The following RIC3 variants were observed in gnomAD, a reference collection of about 807,000 sequenced individuals.
RIC3 encodes the protein protein RIC-3.
RIC3 carries 28 observed loss-of-function variants against 27.3 expected under a neutral mutation model. The observed-to-expected ratio is 1.02, with a 90% confidence interval of 0.76 to 1.41. The LOEUF (loss-of-function observed/expected upper bound fraction) is 1.41. Among genes scored for constraint, RIC3 ranks in the 40% most tolerant of loss-of-function variants. The pLI, the probability that RIC3 is intolerant of heterozygous loss-of-function variation, is 0.00. For missense variants in RIC3, 501 were observed against 444.7 expected (o/e 1.13, Z -1.14); for synonymous variants, 184 against 160.4 (o/e 1.15, Z -1.11).
chr11:8,165,779 TTTGTTTTG>T (rs1951634719), intron 1 of RIC3, among the ~76,000 whole-genome samples: 1 of 110,788 alleles, frequency 9.0e-6, no homozygotes, highest in African/African-American at 4.9e-5. Flanking sequence ...TTTTTTTTGT[TTTGTTTTG>T]TTTTTTTTTT....
chr11:8,111,880 C>T (rs940820865), intron 5 of RIC3, among the ~76,000 whole-genome samples: 3 of 152,202 alleles, frequency 2.0e-5, no homozygotes, highest in African/African-American at 4.8e-5. Flanking sequence ...AATCTGTGTC[C>T]GCCAAGCAAG....
chr11:8,095,408 C>G, the RIC3 span: 2 of 1,394,260 alleles, frequency 1.4e-6, no homozygotes, highest in Non-Finnish European at 1.9e-6. Flanking sequence ...GGTTTCCCCA[C>G]TCTTCCCTCA....
At chr11:8,133,928 G>C (rs1432783240) in intron 4 of RIC3, among the ~76,000 whole-genome samples, 1 of 151,824 alleles carries the variant, frequency 6.6e-6, no homozygotes, top group East Asian at 1.9e-4. Context: ...AGCTCCAGGA[G>C]TTGGGTCTCC....
chr11:8,141,808 C>G lies in RIC3; in HGVS notation c.125-1615G>C, dbSNP rs551444422. On this transcript the variant is annotated intron_variant, in intron 1 of 5. Transcript: ENST00000309737. ...GCTCTCCTCAGCAAATGTAAAAGAA[C>G]AGAGATTATAACAAACTCTCTCAGA... Among the ~76,000 whole-genome samples the G allele has an allele frequency of 4.9e-3, 743 of 152,224 alleles. 8 individuals are homozygous for G. Among genetic ancestry groups the G allele is most frequent in the African/African-American group, 0.017 (716 of 41,520 alleles).
At chr11:8,132,927 T>A (rs1947907057) in intron 4 of RIC3, among the ~76,000 whole-genome samples, 2 of 152,200 alleles carry the variant, frequency 1.3e-5, no homozygotes, top group Admixed American at 1.3e-4. Flanking sequence ...ACACAAACTG[T>A]AAGTATAAAA....
At chr11:8,100,744 C>T in the RIC3 span, 378 of 1,581,100 alleles carry the variant, frequency 2.4e-4, 1 homozygote, top group East Asian at 7.2e-3. Context: ...TCCAAGGACC[C>T]CCATTCCCGG....
At chr11:8,139,695 G>A (rs1181370679) in intron 2 of RIC3, 10 of 245,816 alleles carry the variant, frequency 4.1e-5, no homozygotes. Context: ...ATCACTCACT[G>A]GATTAAGAAC....
At chr11:8,142,643 T>A (rs1167167741) in intron 1 of RIC3, among the ~76,000 whole-genome samples, 4 of 143,886 alleles carry the variant, frequency 2.8e-5, no homozygotes, top group African/African-American at 8.2e-5. Context: ...CTCCAATCAA[T>A]AGAAAAAGAG....
At chr11:8,138,388 G>A (rs1367321658) in intron 2 of RIC3, 41 bp from the exon 3 acceptor site, 4 of 1,335,992 alleles carry the variant, frequency 3.0e-6, no homozygotes. Context: ...CAGCAGCTCA[G>A]AACCTCAGTC....
At position 8,138,348 on chromosome 11, in the gene RIC3, C is replaced by A. The variant is rs1475770473; in HGVS notation, c.352-1G>T. 6.2e-7 allele frequency: 1 copy of A among 1,605,848 alleles called. No homozygotes were observed. Among genetic ancestry groups the A allele is most frequent in the Non-Finnish European group, 8.5e-7 (1 of 1,172,978 alleles). On this transcript the variant is annotated splice_acceptor_variant, in intron 2 of 5. Coordinates refer to ENST00000309737, the MANE Select transcript of RIC3 (RefSeq NM_001206671.4). LOFTEE classifies it high-confidence loss of function. ...CTGCAGTTGTTTTCCCCTTTGAGAG[C>A]TGAGAATTGAAGGAGGTATAGCACA...
At chr11:8,106,050 G>C (rs776063595), downstream of RIC3, 4 of 151,738 alleles carry the variant, frequency 2.6e-5, no homozygotes, top group African/African-American at 4.8e-5. Flanking sequence ...TGGCGTTTTA[G>C]ACAAATTTGC....
intron 1 of RIC3, among the ~76,000 whole-genome samples, chr11:8,154,474 G>C (rs1332864553): frequency 6.6e-6 from 1 of 152,138 alleles, no homozygotes; most frequent in Non-Finnish European, 1.5e-5. Context: ...ATTTTAAAAA[G>C]TCCTTTATAT....
chr11:8,098,895 G>C, the RIC3 span: 1 of 1,559,912 alleles, frequency 6.4e-7, no homozygotes, highest in Non-Finnish European at 8.8e-7. Context: ...AGGTTCGGGG[G>C]TCTCTGATTT....
rs989933751 is a variant in RIC3, at chr11:8,152,005, T to G, written c.125-11812A>C. On this transcript the variant is annotated intron_variant, in intron 1 of 5. Transcript: ENST00000309737. ...TCCAATAAGCACAGGAAAGGATGCTTAACACCATTCGCCACCAAGGAAATG... is the reference window on the plus strand; with the variant it reads ...TCCAATAAGCACAGGAAAGGATGCTGAACACCATTCGCCACCAAGGAAATG... Among the ~76,000 whole-genome samples, 10 of 151,834 alleles carry G rather than the reference T, an allele frequency of 6.6e-5. No individual in the cohort carries two copies. The South Asian group carries it at 2.1e-3, about 32-fold the overall frequency.
chr11:8,101,699 C>G, downstream of RIC3: 1 of 1,559,708 alleles, frequency 6.4e-7, no homozygotes, highest in East Asian at 2.3e-5. Context: ...CCTGCCTATC[C>G]TCTGTATATA....
rs780260156 is a variant in RIC3 at position 8,140,198 on chromosome 11, G to GA, written c.125-6dup. ...GTGGAAATCGGCCCAATTTTCCTGA[G>GA]AAAATAATAATCACTTTTTATCTCT... On this transcript the variant is annotated splice_polypyrimidine_tract_variant and splice_region_variant and intron_variant, in intron 1 of 5. Transcript: ENST00000309737. 6.2e-7 allele frequency: 1 copy of GA among 1,608,674 alleles called. No homozygotes were observed. The highest frequency in any genetic ancestry group is 1.1e-5 in the South Asian group (1 of 90,120).
At chr11:8,125,303 T>G (rs2133598602) in intron 5 of RIC3, among the ~76,000 whole-genome samples, 1 of 151,310 alleles carries the variant, frequency 6.6e-6, no homozygotes, top group East Asian at 1.9e-4. Flanking sequence ...TAAGTTGGAC[T>G]TCATCAAAAT....
At chr11:8,162,413 C>T in intron 1 of RIC3, among the ~76,000 whole-genome samples, 1 of 152,204 alleles carries the variant, frequency 6.6e-6, no homozygotes, top group East Asian at 1.9e-4. Flanking sequence ...GAAATCCTCA[C>T]AACGCAGTGT....
intron 5 of RIC3, among the ~76,000 whole-genome samples, chr11:8,117,045 C>T (rs991960438): frequency 6.6e-6 from 1 of 152,142 alleles, no homozygotes; most frequent in African/African-American, 2.4e-5. Flanking sequence ...AAATGTGGCA[C>T]ATATACACAA....
Sources: allele counts gnomAD v4.1 joint callset (sites outside exome capture counted in the v4.1 genomes callset), GRCh38; gene constraint gnomAD v4.1.1; transcripts MANE v1.5; gene names NCBI Gene and HGNC (gene_info 2026-07-23, HGNC 2026-07-21).